The following GMIP variants were observed in gnomAD, a reference collection of about 807,000 sequenced individuals.
GMIP encodes GEM interacting protein.
Under a neutral mutation model 105.3 loss-of-function variants are expected in GMIP, and 54 were observed. The observed-to-expected ratio is 0.51, with a 90% CI of 0.41 to 0.64. The LOEUF is 0.64. Ranked by LOEUF, GMIP falls within the 30% of genes least tolerant of loss-of-function variation. GMIP has a pLI of 0.00. For missense variants in GMIP, 1,110 were observed against 1,319.4 expected, an observed-to-expected ratio of 0.84 and a Z score of 2.46; for synonymous variants, 541 against 560.8, an observed-to-expected ratio of 0.96 and a Z score of 0.50.
At position 19,635,298 on chromosome 19, in the gene GMIP, C is replaced by T; in HGVS notation, c.1561-85G>A. 6.6e-6 allele frequency: 10 copies of T among 1,519,272 alleles called. No individual in the cohort carries two copies. The highest frequency in any genetic ancestry group is 9.0e-6 in the Non-Finnish European group (10 of 1,107,200). The allele number at this position is 1,519,272 out of a possible 1,614,324, so 94.1% of individuals were successfully genotyped here. A position where few individuals can be genotyped will look rare whatever the true frequency, so the allele number is the denominator to read the frequency against. On this transcript the variant is annotated intron_variant, in intron 15 of 20. Coordinates refer to ENST00000203556, the MANE Select transcript of GMIP (RefSeq NM_016573.4). This position sits in a 1 kb window ranked among gnomAD's most constrained non-coding sequence, Gnocchi z 4.7. ...TACAAGGATCCTCAAGGAATGGGGG[C>T]TCATGGGAGACATCAGGTTAGGGTG...
At chr19:19,643,112 GC>G (rs1157311670) in intron 1 of GMIP, 4 of 239,396 alleles carry the variant, frequency 1.7e-5, no homozygotes, top group Non-Finnish European at 3.2e-5. Flanking sequence ...TTCTACTGCT[GC>G]CCCCCTGCCC....
chr19:19,643,358 G>T, intron 1 of GMIP, 153 bp downstream of exon 1: 2 of 659,220 alleles, frequency 3.0e-6, no homozygotes, highest in Non-Finnish European at 5.2e-6. Context: ...ACCCATCCGG[G>T]CACAGGGCTC....
In GMIP at chr19:19,635,769, C is replaced by T. The variant is rs2144850950; in HGVS notation, c.1328-48G>A. 1 of 1,529,868 alleles carries T rather than the reference C, an allele frequency of 6.5e-7. No individual in the cohort carries two copies. The highest frequency in any genetic ancestry group is 9.1e-7 in the Non-Finnish European group (1 of 1,104,442). The allele number at this position is 1,529,868 out of a possible 1,614,324, so 94.8% of individuals were successfully genotyped here. ...AGATTCCTGGGCTATGGGAGGCACT[C>T]CTGGTTTTTAGGGCTTCCAGAACCA... On this transcript the variant is annotated intron_variant, in intron 13 of 20. Coordinates refer to ENST00000203556, the MANE Select transcript of GMIP (RefSeq NM_016573.4). This position sits in a 1 kb window ranked among gnomAD's most constrained non-coding sequence, Gnocchi z 4.7.
At position 19,640,198 on chromosome 19, in the gene GMIP, G is replaced by T; in HGVS notation, c.430-6C>A. Reference sequence around the variant, plus strand: ...TACTGCAGAGGCATGTGGCTCTGGGGAAGACAGAGTGGTGTAGGAGGATAC... The same window carrying T: ...TACTGCAGAGGCATGTGGCTCTGGGTAAGACAGAGTGGTGTAGGAGGATAC... On this transcript the variant is annotated splice_region_variant and splice_polypyrimidine_tract_variant and intron_variant, in intron 6 of 20. Transcript: ENST00000203556. 1 of 1,604,658 alleles carries T rather than the reference G, an allele frequency of 6.2e-7. No individual in the cohort carries two copies. Among genetic ancestry groups the T allele is most frequent in the Non-Finnish European group, 8.5e-7 (1 of 1,171,862 alleles).
Position 19,638,467 on chromosome 19 carries a change from G to C in GMIP, c.553C>G (p.Arg185Gly), listed in dbSNP as rs777911655. 1 of 1,614,000 alleles carries C rather than the reference G, an allele frequency of 6.2e-7. No homozygotes were observed. The highest frequency in any genetic ancestry group is 8.5e-7 in the Non-Finnish European group (1 of 1,179,970). Residue 185 changes from arginine (R) to glycine (G), a missense_variant, in exon 8 of 21, where the codon CGG becomes GGG. Arg to Gly is a moderately radical substitution (Grantham distance 125). This residue lies in a region of GMIP where 667 missense variants were observed against 773.2 expected (regional missense o/e 0.86). Coordinates refer to ENST00000203556, the MANE Select transcript of GMIP (RefSeq NM_016573.4). ...RDYYQPLAAK[R>G]TEIEKWRKEF... Reference sequence around the variant, plus strand: ...TTCCGCCACTTCTCAATCTCAGTCCGTTTGGCGGCGAGGGGCTGGCAAGGG... The same window carrying C: ...TTCCGCCACTTCTCAATCTCAGTCCCTTTGGCGGCGAGGGGCTGGCAAGGG...
intron 19 of GMIP, among the ~76,000 whole-genome samples, chr19:19,632,646 A>G (rs990668795): frequency 3.3e-5 from 5 of 152,182 alleles, no homozygotes; most frequent in Admixed American, 6.5e-5. Flanking sequence ...TCTACCTCTC[A>G]GGACTGTGGA....
chr19:19,642,020 G>A lies in GMIP; in HGVS notation c.136C>T (p.Leu46Phe). 1 of 1,613,712 alleles carries A rather than the reference G, an allele frequency of 6.2e-7. No homozygotes were observed. The highest frequency in any genetic ancestry group is 8.5e-7 in the Non-Finnish European group (1 of 1,179,640). Residue 46 changes from leucine (L) to phenylalanine (F), a missense_variant, in exon 3 of 21, where the codon CTC (leucine) becomes TTC (phenylalanine). Leu to Phe is a conservative substitution (Grantham distance 22). Around this residue, in one of 3 missense-constraint regions of GMIP, gnomAD observed 667 missense variants for 773.2 expected, o/e 0.86. Transcript: ENST00000203556. ...TLEMLAGDPLLSEDPEPDKTP... is the reference protein window; with the variant it reads ...TLEMLAGDPLFSEDPEPDKTP... ...TTGTCAGGTTCTGGGTCTTCTGAGA[G>A]TAGAGGGTCTCCAGCCAGCATCTCA...
Position 19,630,544 on chromosome 19 carries a change from G to A in GMIP, c.2473-7C>T. 4 of 1,612,406 alleles carry A rather than the reference G, an allele frequency of 2.5e-6. No individual in the cohort carries two copies. The highest frequency in any genetic ancestry group is 3.4e-6 in the Non-Finnish European group (4 of 1,178,458). On this transcript the variant is annotated splice_region_variant and splice_polypyrimidine_tract_variant and intron_variant, in intron 19 of 20. Transcript: ENST00000203556. The surrounding 1 kb of genome is among the most constrained non-coding windows in gnomAD (Gnocchi z 4.8). The stretch of plus-strand genomic sequence containing the variant: ...CACTCTGTGGAGTTGGAATCTGCAG[G>A]GAGAAACCCAAGAATGAGACCCCAA...
Position 19,635,141 on chromosome 19 carries a change from G to C in GMIP, c.1633C>G (p.Arg545Gly). Residue 545 changes from arginine to glycine, a missense_variant, in exon 16 of 21, where the codon CGG (arginine) becomes GGG (glycine). Arg to Gly is a moderately radical substitution (Grantham distance 125). Around this residue, in one of 3 missense-constraint regions of GMIP, gnomAD observed 667 missense variants for 773.2 expected, o/e 0.86. Coordinates refer to ENST00000203556, the MANE Select transcript of GMIP (RefSeq NM_016573.4). This position sits in a 1 kb window ranked among gnomAD's most constrained non-coding sequence, Gnocchi z 4.7. ...ILCGHRRLPA[R>G]TPLFGVDFLQ... The stretch of plus-strand genomic sequence containing the variant: ...AAGTCAACCCCAAAAAGGGGTGTCC[G>C]GGCTGGGAGCCGCCTGTGTCCACAG... 1.9e-6 allele frequency: 3 copies of C among 1,613,890 alleles called. No homozygotes were observed. The highest frequency in any genetic ancestry group is 2.5e-6 in the Non-Finnish European group (3 of 1,179,826).
At chr19:19,633,409 A>T (rs1012133989) in intron 19 of GMIP, among the ~76,000 whole-genome samples, 1 of 152,114 alleles carries the variant, frequency 6.6e-6, no homozygotes, top group Non-Finnish European at 1.5e-5. Flanking sequence ...ACCTCATCAC[A>T]TTCCAGATAA....
Position 19,638,314 on chromosome 19 carries a change from C to G in GMIP, c.634G>C (p.Ala212Pro), listed in dbSNP as rs1251959417. The G allele has an allele frequency of 6.2e-7, 1 of 1,613,390 alleles. No homozygotes were observed. Among genetic ancestry groups the G allele is most frequent in the African/African-American group, 1.3e-5 (1 of 74,942 alleles). Residue 212 changes from alanine (A) to proline (P), a missense_variant, in exon 9 of 21, where the codon GCA becomes CCA. Physicochemically the swap from Ala to Pro is conservative, Grantham distance 27. Transcript: ENST00000203556. ...EQKRMNEAVQALRRAQLQYVQ... is the reference protein window; with the variant it reads ...EQKRMNEAVQPLRRAQLQYVQ... Reference sequence around the variant, plus strand: ...TACTGCAGCTGGGCGCGCCGCAGTGCCTGCACCGCCTCATTCTGGGGGATG... The same window carrying G: ...TACTGCAGCTGGGCGCGCCGCAGTGGCTGCACCGCCTCATTCTGGGGGATG...
In GMIP at chr19:19,637,514, G is replaced by A. The variant is rs769261827; in HGVS notation, c.975C>T (p.Gly325=). 35 of 1,537,422 alleles carry A rather than the reference G, an allele frequency of 2.3e-5. No homozygotes were observed. Among genetic ancestry groups the A allele is most frequent in the Middle Eastern group, 1.8e-4 (1 of 5,704 alleles). ...CGGCCAGGGCGGCGAAGGCGCGGGG[G>A]CCACGCTCTGCCTGCGCCCCCCGCA... ...FGLRGAQAER[G]PRAFAALAEC... Residue 325 remains glycine, a synonymous_variant, in exon 11 of 21, where the codon GGC becomes GGT. Coordinates refer to ENST00000203556, the MANE Select transcript of GMIP (RefSeq NM_016573.4). This position sits in a 1 kb window ranked among gnomAD's most constrained non-coding sequence, Gnocchi z 6.7.
rs150204267 is a variant in GMIP, at chr19:19,634,843, C to T, written c.1836G>A (p.Ser612=). The T allele has an allele frequency of 6.2e-6, 10 of 1,613,806 alleles. No homozygotes were observed. Among genetic ancestry groups the T allele is most frequent in the South Asian group, 3.3e-5 (3 of 91,090 alleles). Residue 612 remains serine, a synonymous_variant, in exon 17 of 21, where the codon TCG becomes TCA. Coordinates refer to ENST00000203556, the MANE Select transcript of GMIP (RefSeq NM_016573.4). This position sits in a 1 kb window ranked among gnomAD's most constrained non-coding sequence, Gnocchi z 6.1. ...FENGRALVEL[S]GNSPHDVSSV... is the part of the protein sequence containing the mutation. ...TCGAGACGTCATGAGGCGAGTTCCC[C>T]GACAGCTCCACCAACGCTCGGCCAT...
At position 19,642,039 on chromosome 19, in the gene GMIP, C is replaced by A. The variant is rs1162076124; in HGVS notation, c.117G>T (p.Met39Ile). 3 of 1,612,530 alleles carry A rather than the reference C, an allele frequency of 1.9e-6. No homozygotes were observed. Among genetic ancestry groups the A allele is most frequent in the Non-Finnish European group, 2.5e-6 (3 of 1,178,684 alleles). Residue 39 changes from methionine to isoleucine, a missense_variant, in exon 3 of 21, where the codon ATG (methionine) becomes ATT (isoleucine). Physicochemically the swap from Met to Ile is conservative, Grantham distance 10. Around this residue, in one of 3 missense-constraint regions of GMIP, gnomAD observed 667 missense variants for 773.2 expected, o/e 0.86. Transcript: ENST00000203556. ...CTGAGAGTAGAGGGTCTCCAGCCAG[C>A]ATCTCAAGGGTCCTGGGGGATAAAG... ...EISLGNVTLE[M>I]LAGDPLLSED...
intron 4 of GMIP, among the ~76,000 whole-genome samples, chr19:19,641,205 C>G (rs529014877): frequency 6.6e-6 from 1 of 151,832 alleles, no homozygotes; most frequent in Non-Finnish European, 1.5e-5. Flanking sequence ...CTCAGCCTCC[C>G]GAGTATCTGG....
intron 1 of GMIP, 191 bp downstream of exon 1, chr19:19,643,320 G>T: frequency 2.0e-6 from 1 of 488,664 alleles, no homozygotes; most frequent in East Asian, 3.5e-5. Context: ...TCAAAAGGGG[G>T]AGGGGGAGTG....
rs957317094 is a variant in GMIP at position 19,638,339 on chromosome 19, G to C, written c.619-10C>G. 1 of 1,614,110 alleles carries C rather than the reference G, an allele frequency of 6.2e-7. No homozygotes were observed. The highest frequency in any genetic ancestry group is 1.3e-5 in the African/African-American group (1 of 75,064). ...CCTGCACCGCCTCATTCTGGGGGAT[G>C]ATGAGAAGGTCAGCGTCCCGGCCTC... On this transcript the variant is annotated splice_polypyrimidine_tract_variant and intron_variant, in intron 8 of 20. Coordinates refer to ENST00000203556, the MANE Select transcript of GMIP (RefSeq NM_016573.4).
chr19:19,643,657 C>G lies in GMIP; in HGVS notation c.-128G>C. On this transcript the variant is annotated 5_prime_UTR_variant, in exon 1 of 21. Transcript: ENST00000203556. ...CTCGGTTCCGCGTCGCCCTGCCCAG[C>G]GGAGGCCACGCCCCCGCATCAGACC... 1 of 704,652 alleles carries G rather than the reference C, an allele frequency of 1.4e-6. No individual in the cohort carries two copies. The highest frequency in any genetic ancestry group is 1.9e-5 in the African/African-American group (1 of 52,368). 43.6% of individuals were successfully genotyped at this position (704,652 alleles called of 1,614,324 possible). A position where few individuals can be genotyped will look rare whatever the true frequency, so the allele number is the denominator to read the frequency against.
At position 19,629,621 on chromosome 19, in the gene GMIP, A is replaced by G. The variant is rs1367191364; in HGVS notation, c.*342T>C. ...GGGAGTGACCACAACCAAAGTAGCA[A>G]AAGCACCCCTGTCCCAGGTGTCAGA... On this transcript the variant is annotated 3_prime_UTR_variant, in exon 21 of 21. Coordinates refer to ENST00000203556, the MANE Select transcript of GMIP (RefSeq NM_016573.4). The G allele has an allele frequency of 1.6e-5, 4 of 256,022 alleles. No individual in the cohort carries two copies. The Admixed American group carries it at 2.0e-4, about 13-fold the overall frequency. 15.9% of individuals were successfully genotyped at this position (256,022 alleles called of 1,614,324 possible).
Sources: allele counts gnomAD v4.1 joint callset (sites outside exome capture counted in the v4.1 genomes callset), GRCh38; gene constraint gnomAD v4.1.1; regional missense constraint gnomAD v4.1.1; non-coding constraint Gnocchi (gnomAD v3.1); transcripts MANE v1.5; gene names NCBI Gene and HGNC (gene_info 2026-07-23, HGNC 2026-07-21).